DMD: variants seen among roughly 807,000 people sequenced by gnomAD.
DMD encodes the protein dystrophin.
DMD carries 63 observed loss-of-function variants against 330.1 expected under a neutral mutation model. The ratio of observed to expected loss-of-function variants is 0.19; its 90% CI spans 0.16 to 0.24. The LOEUF (loss-of-function observed/expected upper bound fraction) is 0.24. DMD is among the 10% of genes least tolerant of loss of function. DMD has a pLI of 1.00. For missense variants in DMD, 3,344 were observed against 2,684.1 expected (o/e 1.25, Z -5.43); for synonymous variants, 1,223 against 959.8 (o/e 1.27, Z -5.07).
At chrX:32,350,995 T>G (rs192129766) in intron 37 of DMD, among the ~76,000 whole-genome samples, 3 of 111,015 alleles carry the variant, frequency 2.7e-5, no homozygotes, top group African/African-American at 6.5e-5. Flanking sequence ...CTGAGGGAAC[T>G]TAGACAAGTT....
chrX:32,720,492 A>AT (rs772755821), intron 7 of DMD, among the ~76,000 whole-genome samples: 20 of 111,817 alleles, frequency 1.8e-4, no homozygotes, highest in African/African-American at 4.9e-4. Flanking sequence ...CCCCATGGGG[A>AT]TTTTTTTAAC....
chrX:32,384,370 C>CTCATTCCAAAGGTATA (rs2097944390), intron 33 of DMD, among the ~76,000 whole-genome samples: 2 of 110,783 alleles, frequency 1.8e-5, no homozygotes, highest in Admixed American at 9.6e-5. Flanking sequence ...ATAAAGGTAT[C>CTCATTCCAAAGGTATA]TCATTCCAAA....
chrX:31,786,802 C>CCCAG (rs946855621), intron 50 of DMD, among the ~76,000 whole-genome samples: 1 of 112,007 alleles, frequency 8.9e-6, no homozygotes, highest in Admixed American at 9.5e-5. Flanking sequence ...GAAAGACCAT[C>CCCAG]CCAGCTCCAG....
intron 7 of DMD, among the ~76,000 whole-genome samples, chrX:32,758,375 T>C (rs2855698): frequency 0.36 from 39,461 of 110,329 alleles, 5,360 homozygotes; most frequent in African/African-American, 0.44. Flanking sequence ...TGCATTTAAA[T>C]CCAGGTCTTT....
In DMD at chrX:33,024,149, T is replaced by C. The variant is rs770498559; in HGVS notation, c.32-3949A>G. On this transcript the variant is annotated intron_variant, in intron 1 of 78. Transcript: ENST00000357033. ...TTTGATACGTTAACATGATGTCTAT[T>C]TCTGTAGTCACATAGTCTATAGTAA... Among the ~76,000 whole-genome samples, 19 of 112,025 alleles carry C rather than the reference T, an allele frequency of 1.7e-4. No individual in the cohort carries two copies. In the East Asian group the frequency reaches 5.3e-3, roughly 31 times the overall value.
intron 59 of DMD, among the ~76,000 whole-genome samples, chrX:31,460,901 G>A (rs773585597): frequency 4.5e-5 from 5 of 111,816 alleles, no homozygotes; most frequent in East Asian, 2.8e-4. Context: ...TATTTTTAAC[G>A]TTAAAAATTA....
chrX:31,962,907 T>C (rs1158163721), intron 45 of DMD, among the ~76,000 whole-genome samples: 1 of 111,754 alleles, frequency 8.9e-6, no homozygotes, highest in East Asian at 2.8e-4. Flanking sequence ...TTCACACGGA[T>C]ATACTGGGTA....
chrX:31,772,705 T>C (rs1478515625), intron 51 of DMD, among the ~76,000 whole-genome samples: 1 of 112,271 alleles, frequency 8.9e-6, no homozygotes, highest in Non-Finnish European at 1.9e-5. Context: ...ATTTGAATCC[T>C]TGTTCTGCTA....
At chrX:32,554,821 GGAGGGGGAGGGAGA>G (rs2049995705) in intron 16 of DMD, among the ~76,000 whole-genome samples, 1 of 7,846 alleles carries the variant, frequency 1.3e-4, no homozygotes, top group African/African-American at 5.7e-4. Context: ...AGGGAGGGAG[GGAGGGGGAGGGAGA>G]GAGAGAGAGA....
chrX:32,648,435 G>T (rs1056899843), intron 9 of DMD, among the ~76,000 whole-genome samples: 18 of 111,638 alleles, frequency 1.6e-4, no homozygotes, highest in Non-Finnish European at 3.4e-4. Flanking sequence ...ATGTTAGTAG[G>T]TTATGACTAG....
chrX:32,383,787 T>A (rs1212545651), intron 33 of DMD, among the ~76,000 whole-genome samples: 1 of 110,540 alleles, frequency 9.0e-6, no homozygotes, highest in East Asian at 2.8e-4. Flanking sequence ...GAATCATTCA[T>A]TTCTGAATAA....
At chrX:32,562,307 T>G (rs948992854) in intron 16 of DMD, among the ~76,000 whole-genome samples, 4 of 112,781 alleles carry the variant, frequency 3.5e-5, no homozygotes, top group Non-Finnish European at 5.6e-5. Flanking sequence ...AAGTCAAATC[T>G]GAGTTTGAAA....
chrX:33,214,846 T>C (rs2052022779), upstream of DMD, among the ~76,000 whole-genome samples: 1 of 111,141 alleles, frequency 9.0e-6, no homozygotes, highest in Admixed American at 9.6e-5. Context: ...AGAGACAGGG[T>C]CTTGTTATGT....
chrX:32,848,203 CT>C (rs1387152546), intron 3 of DMD, among the ~76,000 whole-genome samples: 1 of 111,805 alleles, frequency 8.9e-6, no homozygotes, highest in Non-Finnish European at 1.9e-5. Context: ...AAGCCATAAT[CT>C]TTGAAAGATT....
intron 16 of DMD, among the ~76,000 whole-genome samples, chrX:32,564,430 A>T (rs1003296876): frequency 2.7e-5 from 3 of 111,984 alleles, no homozygotes; most frequent in African/African-American, 9.7e-5. Context: ...AAAGTATCAA[A>T]TTGACTAATG....
intron 29 of DMD, among the ~76,000 whole-genome samples, chrX:32,432,447 T>C (rs1318113144): frequency 8.9e-6 from 1 of 111,869 alleles, no homozygotes; most frequent in Non-Finnish European, 1.9e-5. Flanking sequence ...TATACTTCTT[T>C]GAAAGCAACA....
intron 20 of DMD, among the ~76,000 whole-genome samples, chrX:32,487,134 G>A (rs185159706): frequency 8.5e-4 from 94 of 110,974 alleles, no homozygotes; most frequent in Admixed American, 5.1e-3. Flanking sequence ...AATCTACAAC[G>A]AACTCAAAAA....
intron 17 of DMD, among the ~76,000 whole-genome samples, chrX:32,522,090 T>C (rs767347623): frequency 8.9e-6 from 1 of 112,026 alleles, no homozygotes; most frequent in Non-Finnish European, 1.9e-5. Flanking sequence ...GTTTATAAGC[T>C]ACCCAGTTTA....
At chrX:32,644,844 C>A (rs2059684477) in intron 10 of DMD, 120 bp downstream of exon 10, 1 of 859,601 alleles carries the variant, frequency 1.2e-6, no homozygotes, top group African/African-American at 2.0e-5. Flanking sequence ...GAATCCCAAG[C>A]ACATCATAGT....
Sources: gnomAD v4.1 joint callset for allele counts (sites outside exome capture counted in the v4.1 genomes callset) on GRCh38, gnomAD v4.1.1 for gene constraint, MANE v1.5 for transcripts, NCBI Gene and HGNC (gene_info 2026-07-23, HGNC 2026-07-21) for gene names.